Variants in LDB2 observed in about 807,000 individuals in gnomAD.
The protein encoded by LDB2 is LIM domain-binding protein 2.
Under a neutral mutation model 44.3 loss-of-function variants are expected in LDB2, and 12 were observed. That is an observed-to-expected ratio of 0.27 (90% confidence interval 0.17 to 0.44). The LOEUF (loss-of-function observed/expected upper bound fraction) is 0.44, where lower values mean the gene tolerates loss of function less well. LDB2 is among the 20% of genes least tolerant of loss of function. The probability of loss-of-function intolerance (pLI) is 1.00; values close to 1 mark genes in which losing one functional copy is unlikely to be tolerated. For synonymous variants in LDB2, 164 were observed against 174.8 expected (o/e 0.94, Z 0.49); for missense variants, 344 against 473.5 (o/e 0.73, Z 2.54).
At chr4:16,600,030 A>T (rs191673258) in intron 2 of LDB2, among the ~76,000 whole-genome samples, 20 of 152,274 alleles carry the variant, frequency 1.3e-4, no homozygotes, top group African/African-American at 4.6e-4. Flanking sequence ...CTGTATCCTG[A>T]ATTCAGTGTA....
intron 1 of LDB2, among the ~76,000 whole-genome samples, chr4:16,834,776 G>A (rs1367510546): frequency 8.6e-5 from 13 of 151,528 alleles, no homozygotes; most frequent in African/African-American, 3.1e-4. Flanking sequence ...GCAGTAAGCC[G>A]AGATTGTGCC....
chr4:16,741,747 C>T (rs1763291956), intron 2 of LDB2, among the ~76,000 whole-genome samples: 1 of 152,160 alleles, frequency 6.6e-6, no homozygotes, highest in South Asian at 2.1e-4. Flanking sequence ...CACTGCTGCC[C>T]CCTGGAGAGA....
intron 2 of LDB2, among the ~76,000 whole-genome samples, chr4:16,719,032 T>C (rs1332765923): frequency 6.6e-6 from 1 of 150,688 alleles, no homozygotes; most frequent in East Asian, 2.0e-4. Flanking sequence ...TAAATAGGCA[T>C]ATAAGAAGAA....
chr4:16,790,487 G>A (rs544888567), intron 1 of LDB2, among the ~76,000 whole-genome samples: 2 of 151,600 alleles, frequency 1.3e-5, no homozygotes, highest in African/African-American at 4.9e-5. Context: ...AATAGTGCTG[G>A]AACATTTGGT....
chr4:16,878,385 C>A (rs1048610269), intron 1 of LDB2, among the ~76,000 whole-genome samples: 1 of 152,162 alleles, frequency 6.6e-6, no homozygotes, highest in Non-Finnish European at 1.5e-5. Context: ...GGCTGGAGAC[C>A]ACTTATACTC....
chr4:16,694,164 T>G (rs1250954288), intron 2 of LDB2, among the ~76,000 whole-genome samples: 1 of 152,230 alleles, frequency 6.6e-6, no homozygotes, highest in East Asian at 1.9e-4. Flanking sequence ...GAAAGCTTCT[T>G]CAGTTGGGAT....
chr4:16,743,203 T>C (rs13148122), intron 2 of LDB2, among the ~76,000 whole-genome samples: 13,061 of 152,094 alleles, frequency 0.086, 853 homozygotes, highest in East Asian at 0.38. Flanking sequence ...GGCATGAGAA[T>C]TGCTTGAACC....
intron 2 of LDB2, among the ~76,000 whole-genome samples, chr4:16,727,682 T>C (rs1759817986): frequency 6.6e-6 from 1 of 152,200 alleles, no homozygotes; most frequent in Non-Finnish European, 1.5e-5. Context: ...GTGTTTATTT[T>C]CTTATATCTC....
intron 5 of LDB2, among the ~76,000 whole-genome samples, chr4:16,535,914 A>T (rs932534947): frequency 6.6e-6 from 1 of 152,184 alleles, no homozygotes; most frequent in Admixed American, 6.5e-5. Context: ...GGAATAATAA[A>T]AAACGTGCAT....
chr4:16,732,373 A>C (rs1450929104), intron 2 of LDB2, among the ~76,000 whole-genome samples: 1 of 152,204 alleles, frequency 6.6e-6, no homozygotes, highest in Non-Finnish European at 1.5e-5. Context: ...ATGTTACTTC[A>C]TTAGTGTGGA....
At chr4:16,561,122 G>A (rs1384954346) in intron 5 of LDB2, among the ~76,000 whole-genome samples, 4 of 152,108 alleles carry the variant, frequency 2.6e-5, no homozygotes, top group African/African-American at 9.6e-5. Flanking sequence ...TACTGAATGG[G>A]CAAAAACTGG....
chr4:16,536,324 C>T (rs1461480712), intron 5 of LDB2, among the ~76,000 whole-genome samples: 3 of 152,170 alleles, frequency 2.0e-5, no homozygotes, highest in South Asian at 2.1e-4. Flanking sequence ...TCAAATCACT[C>T]CTGCTTTATC....
intron 2 of LDB2, among the ~76,000 whole-genome samples, chr4:16,652,760 T>C (rs1017112188): frequency 6.6e-6 from 1 of 152,182 alleles, no homozygotes; most frequent in South Asian, 2.1e-4. Context: ...TTTAAGGGAA[T>C]GTGGCTACTT....
chr4:16,876,069 T>C (rs1300533800), intron 1 of LDB2, among the ~76,000 whole-genome samples: 1 of 152,186 alleles, frequency 6.6e-6, no homozygotes, highest in Non-Finnish European at 1.5e-5. Context: ...CCTGCCACCC[T>C]CCTATTGGGC....
Position 16,523,890 on chromosome 4 carries a change from G to A in LDB2, c.616-11786C>T, listed in dbSNP as rs558238466. Among the ~76,000 whole-genome samples, 403 of 152,300 alleles carry A rather than the reference G, an allele frequency of 2.6e-3. 1 individual carries two copies. The highest frequency in any genetic ancestry group is 4.9e-3 in the Non-Finnish European group (331 of 68,026). On this transcript the variant is annotated intron_variant, in intron 5 of 7. Coordinates refer to ENST00000304523, the MANE Select transcript of LDB2 (RefSeq NM_001290.5). ...GAAACTGCAGGAAACAAAACCATAG[G>A]TAAGAAAGACCTGCAGCAACTAATA...
At chr4:16,716,534 T>A (rs1415415631) in intron 2 of LDB2, among the ~76,000 whole-genome samples, 1 of 152,200 alleles carries the variant, frequency 6.6e-6, no homozygotes, top group Admixed American at 6.6e-5. Context: ...CCTTAGGGAA[T>A]AAAATAAACT....
intron 1 of LDB2, among the ~76,000 whole-genome samples, chr4:16,786,474 C>A (rs1241798800): frequency 6.6e-6 from 1 of 152,206 alleles, no homozygotes; most frequent in African/African-American, 2.4e-5. Flanking sequence ...CCCAGTACAT[C>A]TTTACTAACT....
At chr4:16,841,444 T>A (rs1004274672) in intron 1 of LDB2, among the ~76,000 whole-genome samples, 1 of 152,234 alleles carries the variant, frequency 6.6e-6, no homozygotes, top group African/African-American at 2.4e-5. Flanking sequence ...TTGAATGGCA[T>A]TATATATTAT....
At chr4:16,595,168 C>T (rs1014864827) in intron 3 of LDB2, among the ~76,000 whole-genome samples, 3 of 152,048 alleles carry the variant, frequency 2.0e-5, no homozygotes, top group African/African-American at 7.2e-5. Flanking sequence ...CTTGCCCTCC[C>T]CTCATTCACT....
Sources: gnomAD v4.1 joint callset for allele counts (sites outside exome capture counted in the v4.1 genomes callset) on GRCh38, gnomAD v4.1.1 for gene constraint, MANE v1.5 for transcripts, NCBI Gene and HGNC (gene_info 2026-07-23, HGNC 2026-07-21) for gene names.